VWA8: variants seen among roughly 807,000 people sequenced by gnomAD.
The protein encoded by VWA8 is von Willebrand factor A domain containing 8, also known as von Willebrand factor A domain-containing protein 8.
Under a neutral mutation model 241.5 loss-of-function variants are expected in VWA8, and 221 were observed. The observed-to-expected ratio is 0.91, with a 90% CI of 0.82 to 1.02. The LOEUF is 1.02. VWA8 is among the 50% of genes least tolerant of loss of function. The pLI, the probability that VWA8 is intolerant of heterozygous loss-of-function variation, is 0.00. For synonymous variants in VWA8, 852 were observed against 827.1 expected (o/e 1.03, Z -0.52); for missense variants, 2,322 against 2,328.7 (o/e 1.00, Z 0.06).
chr13:41,596,694 T>C (rs1040352509), intron 40 of VWA8, among the ~76,000 whole-genome samples: 1 of 151,692 alleles, frequency 6.6e-6, no homozygotes, highest in African/African-American at 2.4e-5. Flanking sequence ...TTTTATTACT[T>C]TCACACAAAG....
At chr13:41,935,322 C>A (rs977008768) in intron 2 of VWA8, among the ~76,000 whole-genome samples, 1 of 152,038 alleles carries the variant, frequency 6.6e-6, no homozygotes, top group Admixed American at 6.6e-5. Context: ...ATATTTATGA[C>A]AATGACAACC....
At chr13:41,825,688 T>C (rs1871145941) in intron 14 of VWA8, among the ~76,000 whole-genome samples, 1 of 152,136 alleles carries the variant, frequency 6.6e-6, no homozygotes, top group Non-Finnish European at 1.5e-5. Context: ...AAGCTTAATA[T>C]AAGTAAATAA....
At chr13:41,642,928 CA>C (rs990952451) in intron 37 of VWA8, among the ~76,000 whole-genome samples, 6 of 145,826 alleles carry the variant, frequency 4.1e-5, no homozygotes, top group Admixed American at 6.8e-5. Context: ...CACTCTGACT[CA>C]AAAAAAAAAG....
At chr13:41,719,408 A>C in intron 26 of VWA8, 183 bp downstream of exon 26, 2 of 1,420,934 alleles carry the variant, frequency 1.4e-6, no homozygotes, top group South Asian at 3.1e-5. Context: ...AAAATTTTCA[A>C]TTTACAGGCC....
intron 29 of VWA8, 134 bp downstream of exon 29, chr13:41,698,937 G>A (rs746815661): frequency 2.2e-5 from 25 of 1,151,434 alleles, no homozygotes; most frequent in Non-Finnish European, 2.6e-5. Context: ...CTGATAAAAT[G>A]CAACTCCTGA....
chr13:41,835,260 A>C (rs1342830658), intron 12 of VWA8, among the ~76,000 whole-genome samples: 3 of 152,200 alleles, frequency 2.0e-5, no homozygotes, highest in African/African-American at 7.2e-5. Context: ...TGGAAATTTT[A>C]AAAAGAGAAA....
chr13:41,683,188 A>G (rs1421245889), intron 35 of VWA8, among the ~76,000 whole-genome samples: 11 of 152,184 alleles, frequency 7.2e-5, no homozygotes, highest in African/African-American at 2.7e-4. Context: ...AAAACCAATA[A>G]ATATGTCACC....
At position 41,911,746 on chromosome 13, in the gene VWA8, T is replaced by C. The variant is rs894715654; in HGVS notation, c.372+292A>G. Among the ~76,000 whole-genome samples the C allele has an allele frequency of 1.3e-5, 2 of 152,232 alleles. No individual in the cohort carries two copies. On this transcript the variant is annotated intron_variant, in intron 3 of 44. Coordinates refer to ENST00000379310, the MANE Select transcript of VWA8 (RefSeq NM_015058.2). ...CAAGTTTTGCTTTGTAATTTCAGAC[T>C]TGCTGATTCTATCTGCTACTCATTG... is the stretch of plus-strand genomic sequence containing the variant.
intron 21 of VWA8, among the ~76,000 whole-genome samples, chr13:41,742,272 G>C (rs1300904950): frequency 6.6e-6 from 1 of 152,198 alleles, no homozygotes; most frequent in Admixed American, 6.5e-5. Context: ...GAAGGGAAGA[G>C]ACATCACATT....
At chr13:41,831,154 A>C (rs1871436072) in intron 13 of VWA8, among the ~76,000 whole-genome samples, 1 of 152,234 alleles carries the variant, frequency 6.6e-6, no homozygotes, top group Admixed American at 6.5e-5. Context: ...CACATAGCAT[A>C]GTCTTCCAGA....
chr13:41,646,583 G>T (rs1439932484), intron 37 of VWA8, among the ~76,000 whole-genome samples: 1 of 151,742 alleles, frequency 6.6e-6, no homozygotes, highest in Non-Finnish European at 1.5e-5. Context: ...AGGTTTATCA[G>T]ATTTTTTTTT....
intron 40 of VWA8, among the ~76,000 whole-genome samples, chr13:41,593,265 A>G (rs560770417): frequency 6.6e-6 from 1 of 152,340 alleles, no homozygotes; most frequent in Non-Finnish European, 1.5e-5. Flanking sequence ...AAACATCACC[A>G]GCATATAGAT....
rs561840668 is a variant in VWA8 at position 41,696,268 on chromosome 13, A to T, written c.3564+2803T>A. The T allele has an allele frequency of 2.0e-5, 3 of 152,358 alleles. No individual in the cohort carries two copies. In the South Asian group the frequency reaches 6.2e-4, roughly 32 times the overall value. The allele number at this position is 152,358 out of a possible 1,614,324, so 9.4% of individuals were successfully genotyped here. On this transcript the variant is annotated intron_variant, in intron 29 of 44. Coordinates refer to ENST00000379310, the MANE Select transcript of VWA8 (RefSeq NM_015058.2). ...TGAAAACAAAATCAGAAAAATACTT[A>T]TAACTCAGAATTTGTGATAATTTCT...
At chr13:41,924,646 G>A (rs79216988) in intron 2 of VWA8, among the ~76,000 whole-genome samples, 13 of 152,080 alleles carry the variant, frequency 8.5e-5, no homozygotes, top group Non-Finnish European at 1.5e-4. Context: ...TCCTAGGCCC[G>A]GGGTCTTACA....
chr13:41,757,486 G>A (rs1045318634), intron 21 of VWA8, among the ~76,000 whole-genome samples: 84 of 151,642 alleles, frequency 5.5e-4, no homozygotes, highest in African/African-American at 2.0e-3. Context: ...GTGCAGGTTT[G>A]TTACATGGCT....
chr13:41,769,497 T>C (rs185559379), intron 20 of VWA8, among the ~76,000 whole-genome samples: 39 of 152,338 alleles, frequency 2.6e-4, no homozygotes, highest in Non-Finnish European at 4.7e-4. Context: ...GTGGAATATA[T>C]AAAAAATTTC....
At chr13:41,957,351 C>A (rs1878395868) in intron 1 of VWA8, among the ~76,000 whole-genome samples, 1 of 152,194 alleles carries the variant, frequency 6.6e-6, no homozygotes, top group African/African-American at 2.4e-5. Context: ...TCGCCTTCCA[C>A]AATGATTGTG....
At chr13:41,813,167 G>A (rs1489300866) in intron 16 of VWA8, among the ~76,000 whole-genome samples, 3 of 152,082 alleles carry the variant, frequency 2.0e-5, no homozygotes, top group Admixed American at 6.6e-5. Context: ...GTGTAAAGTC[G>A]TAACATGATT....
intron 2 of VWA8, among the ~76,000 whole-genome samples, chr13:41,918,818 A>G (rs968727087): frequency 1.3e-5 from 2 of 152,184 alleles, no homozygotes; most frequent in Non-Finnish European, 2.9e-5. Context: ...AATGATACAC[A>G]TATACATAGT....
Sources: gnomAD v4.1 joint callset for allele counts (sites outside exome capture counted in the v4.1 genomes callset) on GRCh38, gnomAD v4.1.1 for gene constraint, MANE v1.5 for transcripts, NCBI Gene and HGNC (gene_info 2026-07-23, HGNC 2026-07-21) for gene names.